The following KIF5C variants were observed in gnomAD, a reference collection of about 807,000 sequenced individuals.
The protein encoded by KIF5C is kinesin family member 5C, also known as kinesin heavy chain isoform 5C.
KIF5C carries 18 observed loss-of-function variants against 125.2 expected under a neutral mutation model. The observed-to-expected ratio is 0.14, with a 90% confidence interval of 0.10 to 0.21. The LOEUF (loss-of-function observed/expected upper bound fraction) is 0.21. KIF5C is among the 10% of genes least tolerant of loss of function. The probability of loss-of-function intolerance (pLI) is 1.00; values close to 1 mark genes in which losing one functional copy is unlikely to be tolerated. For missense variants in KIF5C, 780 were observed against 1,183.8 expected (o/e 0.66, Z 5.01); for synonymous variants, 405 against 434.0 (o/e 0.93, Z 0.83).
chr2:148,946,191 G>A (rs949390012), intron 7 of KIF5C, among the ~76,000 whole-genome samples: 1 of 152,168 alleles, frequency 6.6e-6, no homozygotes, highest in African/African-American at 2.4e-5. Context: ...AGTTCTAACA[G>A]TTTTTTAAAA....
intron 21 of KIF5C, 68 bp downstream of exon 21, chr2:149,000,850 A>G: frequency 6.3e-7 from 1 of 1,598,210 alleles, no homozygotes; most frequent in Admixed American, 1.7e-5. Flanking sequence ...TTGTCGGATT[A>G]TTTCAAAATT....
intron 17 of KIF5C, among the ~76,000 whole-genome samples, chr2:148,996,611 C>T (rs946744640): frequency 6.6e-6 from 1 of 152,214 alleles, no homozygotes; most frequent in East Asian, 1.9e-4. Flanking sequence ...GCCCATTGCA[C>T]CTGGCTGGCA....
chr2:148,947,240 C>A, intron 8 of KIF5C: 2 of 623,854 alleles, frequency 3.2e-6, no homozygotes, highest in Non-Finnish European at 5.1e-6. Flanking sequence ...GCTTTGCATG[C>A]CAACTCTGAT....
In KIF5C at chr2:149,005,034, TA is replaced by T. The variant is rs139232257; in HGVS notation, c.2374-351del. 9.4e-3 allele frequency among the ~76,000 whole-genome samples: 1,428 copies of T among 151,900 alleles called. 26 individuals carry two copies. Among genetic ancestry groups the T allele is most frequent in the African/African-American group, 0.033 (1,374 of 41,430 alleles). ...GTATTACATTGTAACATTTACATAA[TA>T]AAAAAAAGAAAAAAGGAATTCACCC... On this transcript the variant is annotated intron_variant, in intron 21 of 25. Transcript: ENST00000435030.
At chr2:148,967,730 G>A (rs1680777362) in intron 11 of KIF5C, among the ~76,000 whole-genome samples, 2 of 152,216 alleles carry the variant, frequency 1.3e-5, no homozygotes, top group Non-Finnish European at 2.9e-5. Context: ...TAGCCTCACG[G>A]AGATTTGTTC....
intron 15 of KIF5C, among the ~76,000 whole-genome samples, chr2:148,990,431 A>G (rs1050028324): frequency 3.9e-5 from 6 of 152,222 alleles, no homozygotes; most frequent in African/African-American, 1.4e-4. Flanking sequence ...TTCATCAAGA[A>G]GCCCTTTGGT....
intron 11 of KIF5C, among the ~76,000 whole-genome samples, chr2:148,969,015 T>A (rs1680822989): frequency 1.3e-5 from 2 of 152,214 alleles, no homozygotes; most frequent in Admixed American, 1.3e-4. Flanking sequence ...AGAATGCAAT[T>A]ACCTTTCTGT....
Position 149,011,555 on chromosome 2 carries a change from G to C in KIF5C, c.2768-15G>C, listed in dbSNP as rs2105202222. On this transcript the variant is annotated splice_polypyrimidine_tract_variant and intron_variant, in intron 24 of 25. Transcript: ENST00000435030. ...TAAATGTCTGTTCTCTCTTCTTTCT[G>C]TTGGTTGGATACAGCCAAGCCCATC... The C allele has an allele frequency of 6.2e-7, 1 of 1,613,706 alleles. No individual in the cohort carries two copies. Among genetic ancestry groups the C allele is most frequent in the East Asian group, 2.2e-5 (1 of 44,864 alleles).
In KIF5C at chr2:148,998,594, C is replaced by T. The variant is rs371164454; in HGVS notation, c.2210+85C>T. 8.0e-5 allele frequency: 122 copies of T among 1,529,446 alleles called. No homozygotes were observed. The African/African-American group carries it at 1.2e-3, about 15-fold the overall frequency. 94.7% of individuals were successfully genotyped at this position (1,529,446 alleles called of 1,614,324 possible). The stretch of plus-strand genomic sequence containing the variant: ...AGCCTGGAAGGATGTGGCTCTTAGT[C>T]GAGGGCCCTGCTCACCTTGCCCTGT... On this transcript the variant is annotated intron_variant, in intron 19 of 25. Transcript: ENST00000435030.
chr2:148,999,212 AGAAAACC>A (rs1681773039), intron 19 of KIF5C, among the ~76,000 whole-genome samples: 1 of 152,254 alleles, frequency 6.6e-6, no homozygotes, highest in Non-Finnish European at 1.5e-5. Context: ...GGGATTACAA[AGAAAACC>A]AATTATATTG....
At chr2:148,920,805 A>G (rs189050611) in intron 1 of KIF5C, among the ~76,000 whole-genome samples, 124 of 152,308 alleles carry the variant, frequency 8.1e-4, no homozygotes, top group African/African-American at 2.2e-3. Context: ...CTCATGAGCA[A>G]TTATCTTTTC....
In KIF5C at chr2:148,988,833, G is replaced by C. The variant is rs148116127; in HGVS notation, c.1717-2177G>C. On this transcript the variant is annotated intron_variant, in intron 15 of 25. Coordinates refer to ENST00000435030, the MANE Select transcript of KIF5C (RefSeq NM_004522.3). ...TCTTTGGCAGTCGGAAGTAAAATGG[G>C]TTTAACAAGGACCTCCATGAAGGTA... 6.2e-3 allele frequency among the ~76,000 whole-genome samples: 945 copies of C among 152,312 alleles called. 7 individuals carry two copies. The highest frequency in any genetic ancestry group is 0.019 in the African/African-American group (799 of 41,564).
intron 1 of KIF5C, among the ~76,000 whole-genome samples, chr2:148,907,921 G>A (rs1179063613): frequency 6.6e-6 from 1 of 152,242 alleles, no homozygotes; most frequent in East Asian, 1.9e-4. Context: ...CCAGTCATTG[G>A]GGTCATCTGG....
chr2:148,977,286 T>C (rs1371458353), intron 12 of KIF5C, among the ~76,000 whole-genome samples: 1 of 152,198 alleles, frequency 6.6e-6, no homozygotes, highest in African/African-American at 2.4e-5. Flanking sequence ...GGAGGAAGCC[T>C]GCATCTTCAG....
chr2:148,996,217 G>A (rs1440554221), intron 17 of KIF5C, among the ~76,000 whole-genome samples: 1 of 152,228 alleles, frequency 6.6e-6, no homozygotes, highest in Non-Finnish European at 1.5e-5. Context: ...AAGTGGTTGT[G>A]ATAGGGTAGT....
chr2:148,941,462 G>A, intron 4 of KIF5C, 148 bp from the exon 5 acceptor site: 1 of 1,092,250 alleles, frequency 9.2e-7, no homozygotes, highest in Non-Finnish European at 1.3e-6. Flanking sequence ...AATCCCAGTA[G>A]AGCTGGCCAG....
intron 11 of KIF5C, among the ~76,000 whole-genome samples, chr2:148,965,168 C>T (rs1002218654): frequency 6.6e-6 from 1 of 151,898 alleles, no homozygotes; most frequent in Non-Finnish European, 1.5e-5. Context: ...GTTTAGGGTC[C>T]CCGTGGAACA....
chr2:149,011,548 T>C (rs1205000307), intron 24 of KIF5C, 22 bp from the exon 25 acceptor site: 1 of 1,613,496 alleles, frequency 6.2e-7, no homozygotes, highest in Non-Finnish European at 8.5e-7. Context: ...TGTTCTCTCT[T>C]CTTTCTGTTG....
chr2:148,922,321 G>A, intron 2 of KIF5C, 94 bp downstream of exon 2: 1 of 721,170 alleles, frequency 1.4e-6, no homozygotes, highest in Non-Finnish European at 2.3e-6. Context: ...TGCCTTGACT[G>A]TAAGCAGAGG....
Sources: gnomAD v4.1 joint callset for allele counts (sites outside exome capture counted in the v4.1 genomes callset) on GRCh38, gnomAD v4.1.1 for gene constraint, MANE v1.5 for transcripts, NCBI Gene and HGNC (gene_info 2026-07-23, HGNC 2026-07-21) for gene names.